Variants in SCAF1 observed in about 807,000 individuals in gnomAD.
SCAF1 encodes the protein splicing factor, arginine/serine-rich 19.
SCAF1 carries 28 observed loss-of-function variants against 91.2 expected under a neutral mutation model. The observed-to-expected ratio is 0.31, with a 90% CI of 0.23 to 0.42. The LOEUF (loss-of-function observed/expected upper bound fraction) is 0.42, where lower values mean the gene tolerates loss of function less well. Among genes scored for constraint, SCAF1 ranks in the 10% least tolerant of loss-of-function variants. The pLI, the probability that SCAF1 is intolerant of heterozygous loss-of-function variation, is 1.00. For synonymous variants in SCAF1, 1,036 were observed against 833.7 expected (o/e 1.24, Z -4.18); for missense variants, 1,893 against 1,872.1 (o/e 1.01, Z -0.21).
chr19:49,652,097 G>A lies in SCAF1; in HGVS notation c.1708G>A (p.Ala570Thr), dbSNP rs1437498919. 3 of 1,134,010 alleles carry A rather than the reference G, an allele frequency of 2.6e-6. No homozygotes were observed. Among genetic ancestry groups the A allele is most frequent in the Admixed American group, 5.2e-5 (1 of 19,254 alleles). The allele number at this position is 1,134,010 out of a possible 1,614,324, so 70.2% of individuals were successfully genotyped here. Reference protein sequence around the residue: ...RKPGSHASSSARRRSRSRSRS... With the variant: ...RKPGSHASSSTRRRSRSRSRS... ...GCCCGGCTCCCACGCCTCGTCGTCC[G>A]CCCGCCGCCGCTCCCGCTCCCGCTC... Residue 570 changes from alanine (A) to threonine (T), a missense_variant, in exon 7 of 11, where the codon GCC (alanine) becomes ACC (threonine). Ala to Thr is a moderately conservative substitution (Grantham distance 58). Around this residue, in one of 5 missense-constraint regions of SCAF1, gnomAD observed 1,436 missense variants for 1,306.8 expected, o/e 1.10. Coordinates refer to ENST00000360565, the MANE Select transcript of SCAF1 (RefSeq NM_021228.3).
At chr19:49,649,807 G>A (rs1304450568) in intron 6 of SCAF1, among the ~76,000 whole-genome samples, 1 of 152,204 alleles carries the variant, frequency 6.6e-6, no homozygotes, top group African/African-American at 2.4e-5. Context: ...AAAGGGTGTT[G>A]GATGAATGAA....
upstream of SCAF1, chr19:49,642,206 C>CCCGCG (rs2081030256): frequency 6.6e-6 from 1 of 152,202 alleles, no homozygotes; most frequent in African/African-American, 2.4e-5. This position sits in a 1 kb window ranked among gnomAD's most constrained non-coding sequence, Gnocchi z 4.0. Flanking sequence ...CCCGCCCCGC[C>CCCGCG]CCGCGCCGGG....
chr19:49,651,512 G>A lies in SCAF1; in HGVS notation c.1123G>A (p.Gly375Ser), dbSNP rs572089161. 277 of 1,573,018 alleles carry A rather than the reference G, an allele frequency of 1.8e-4. 1 individual carries two copies. The highest frequency in any genetic ancestry group is 1.2e-3 in the Middle Eastern group (7 of 5,796). The change falls in exon 7 of 11, where the codon GGT (glycine) becomes AGT (serine). Residue 375 changes from glycine to serine, a missense_variant. Physicochemically the swap from Gly to Ser is moderately conservative, Grantham distance 56. Around this residue, in one of 5 missense-constraint regions of SCAF1, gnomAD observed 1,436 missense variants for 1,306.8 expected, o/e 1.10. Transcript: ENST00000360565. ...GKVSVEVVTA[G>S]GAALPPPLLP... is the part of the protein sequence containing the mutation. Reference sequence around the variant, plus strand: ...GGTCTCGGTGGAGGTGGTGACCGCTGGTGGAGCCGCCCTCCCGCCGCCCCT... The same window carrying A: ...GGTCTCGGTGGAGGTGGTGACCGCTAGTGGAGCCGCCCTCCCGCCGCCCCT...
chr19:49,648,730 T>C (rs141603169), intron 6 of SCAF1, among the ~76,000 whole-genome samples: 4 of 152,084 alleles, frequency 2.6e-5, no homozygotes, highest in Non-Finnish European at 5.9e-5. Flanking sequence ...CCCAGCACTT[T>C]GGGAGGCCAA....
intron 6 of SCAF1, among the ~76,000 whole-genome samples, chr19:49,650,231 T>C (rs1391938886): frequency 1.3e-5 from 2 of 152,136 alleles, no homozygotes; most frequent in Non-Finnish European, 2.9e-5. Context: ...GAGCTTGGGG[T>C]GAAGACCAGC....
rs755053439 is a variant in SCAF1, at chr19:49,652,430, C to T, written c.2041C>T (p.Arg681Cys). 7.5e-6 allele frequency: 12 copies of T among 1,599,004 alleles called. No individual in the cohort carries two copies. The South Asian group carries it at 7.8e-5, about 10-fold the overall frequency. The change falls in exon 7 of 11, where the codon CGC becomes TGC. Residue 681 changes from arginine (R) to cysteine (C), a missense_variant. Arg to Cys is a radical substitution (Grantham distance 180). This residue lies in a region of SCAF1 where 1,436 missense variants were observed against 1,306.8 expected (regional missense o/e 1.10). Transcript: ENST00000360565. ...GSTSCGDRDS[R>C]RRGAVPPSIQ... ...CACCTCGTGTGGTGACCGCGACAGC[C>T]GCCGCCGGGGGGCCGTGCCACCCTC...
At chr19:49,656,906 A>G (rs1461098550) in intron 9 of SCAF1, among the ~76,000 whole-genome samples, 2 of 152,144 alleles carry the variant, frequency 1.3e-5, no homozygotes, top group African/African-American at 4.8e-5. Context: ...TGTAATTCCA[A>G]CACTTCGCAA....
chr19:49,648,301 A>G lies in SCAF1; in HGVS notation c.478+1471A>G, dbSNP rs2081066475. The stretch of plus-strand genomic sequence containing the variant: ...TAATTTTTGTATTTTTAGTAGAGGT[A>G]GGGTTTCACTGTGTTGGCCAGGCTG... On this transcript the variant is annotated intron_variant, in intron 6 of 10. Transcript: ENST00000360565. Among the ~76,000 whole-genome samples the G allele has an allele frequency of 5.3e-5, 8 of 151,782 alleles. No homozygotes were observed. In the South Asian group the frequency reaches 1.7e-3, roughly 32 times the overall value.
Position 49,654,341 on chromosome 19 carries a change from T to A in SCAF1, c.3317-8T>A. ...ATCTTCATGTTGTCACCTCTCTGCCTCCTGCAGTGACTGCACTTCTCTTCA... is the reference window on the plus strand; with the variant it reads ...ATCTTCATGTTGTCACCTCTCTGCCACCTGCAGTGACTGCACTTCTCTTCA... On this transcript the variant is annotated splice_region_variant and splice_polypyrimidine_tract_variant and intron_variant, in intron 7 of 10. Transcript: ENST00000360565. 6.2e-7 allele frequency: 1 copy of A among 1,613,028 alleles called. No individual in the cohort carries two copies.
rs749367598 is a variant in SCAF1, at chr19:49,652,939, G to A, written c.2550G>A (p.Pro850=). The A allele has an allele frequency of 1.2e-6, 2 of 1,613,778 alleles. No individual in the cohort carries two copies. The highest frequency in any genetic ancestry group is 1.7e-6 in the Non-Finnish European group (2 of 1,179,954). Residue 850 remains proline, a synonymous_variant, in exon 7 of 11, where the codon CCG becomes CCA. Transcript: ENST00000360565. ...GCGAGGGTGTCAGCAGCACCACCCC[G>A]GCCAAGGATGCCGCGTCAGCCGGCC... The part of the protein sequence containing the change: ...LIREGVSSTT[P]AKDAASAGLG...
chr19:49,652,581 T>A lies in SCAF1; in HGVS notation c.2192T>A (p.Leu731Gln). 1 of 1,570,454 alleles carries A rather than the reference T, an allele frequency of 6.4e-7. No individual in the cohort carries two copies. Among genetic ancestry groups the A allele is most frequent in the Non-Finnish European group, 8.6e-7 (1 of 1,157,452 alleles). The change falls in exon 7 of 11, where the codon CTG becomes CAG. Residue 731 changes from leucine (L) to glutamine (Q), a missense_variant. Leu to Gln is a moderately radical substitution (Grantham distance 113). This residue lies in a region of SCAF1 where 1,436 missense variants were observed against 1,306.8 expected (regional missense o/e 1.10). Coordinates refer to ENST00000360565, the MANE Select transcript of SCAF1 (RefSeq NM_021228.3). ...APASSPKREV[L>Q]YDSEGLSGEE... ...GCCTCCTCACCTAAGCGGGAGGTCC[T>A]GTACGACTCCGAGGGACTGAGCGGC... is the stretch of plus-strand genomic sequence containing the variant.
rs369719376 is a variant in SCAF1, at chr19:49,642,405, C to G, written c.-7+163C>G. Among the ~76,000 whole-genome samples, 2 of 152,234 alleles carry G rather than the reference C, an allele frequency of 1.3e-5. No individual in the cohort carries two copies. The highest frequency in any genetic ancestry group is 4.8e-5 in the African/African-American group (2 of 41,552). On this transcript the variant is annotated intron_variant, in intron 1 of 10. Transcript: ENST00000360565. The surrounding 1 kb of genome is among the most constrained non-coding windows in gnomAD (Gnocchi z 4.0). ...CGGCAGCTGCGGCGAAACCTGGCGC[C>G]GAGAGGGGGGCCTTCTCAGGGCCCC...
chr19:49,652,443 C>T lies in SCAF1; in HGVS notation c.2054C>T (p.Ala685Val), dbSNP rs778282319. 9 of 1,600,868 alleles carry T rather than the reference C, an allele frequency of 5.6e-6. No homozygotes were observed. Among genetic ancestry groups the T allele is most frequent in the Non-Finnish European group, 5.9e-6 (7 of 1,177,716 alleles). ...GACCGCGACAGCCGCCGCCGGGGGG[C>T]CGTGCCACCCTCCATCCAGGACCTC... Reference protein sequence around the residue: ...CGDRDSRRRGAVPPSIQDLTD... With the variant: ...CGDRDSRRRGVVPPSIQDLTD... Residue 685 changes from alanine (A) to valine (V), a missense_variant, in exon 7 of 11, where the codon GCC (alanine) becomes GTC (valine). Transcript: ENST00000360565.
chr19:49,642,865 G>A lies in SCAF1; in HGVS notation c.-7+623G>A, dbSNP rs1599818328. On this transcript the variant is annotated intron_variant, in intron 1 of 10. Transcript: ENST00000360565. The surrounding 1 kb of genome is among the most constrained non-coding windows in gnomAD (Gnocchi z 4.0). Reference sequence around the variant, plus strand: ...GGGTTGGGTTATGCCCACCAGGGAAGGGCGCCAAATATTGAGATGTACTGA... The same window carrying A: ...GGGTTGGGTTATGCCCACCAGGGAAAGGCGCCAAATATTGAGATGTACTGA... Among the ~76,000 whole-genome samples, 1 of 152,200 alleles carries A rather than the reference G, an allele frequency of 6.6e-6. No individual in the cohort carries two copies. The highest frequency in any genetic ancestry group is 2.4e-5 in the African/African-American group (1 of 41,446).
Position 49,651,165 on chromosome 19 carries a change from G to A in SCAF1, c.776G>A (p.Ser259Asn). The change falls in exon 7 of 11, where the codon AGC becomes AAC. Residue 259 changes from serine to asparagine, a missense_variant. Ser to Asn is a conservative substitution (Grantham distance 46). Coordinates refer to ENST00000360565, the MANE Select transcript of SCAF1 (RefSeq NM_021228.3). ...DPFEPTGSNP[S>N]SSAGTPSPEE... ...TTTGAGCCCACCGGCTCCAACCCCA[G>A]CTCATCAGCGGGGACCCCCTCACCT... 2 of 1,613,022 alleles carry A rather than the reference G, an allele frequency of 1.2e-6. No individual in the cohort carries two copies. Among genetic ancestry groups the A allele is most frequent in the Non-Finnish European group, 8.5e-7 (1 of 1,179,782 alleles).
chr19:49,650,499 A>C (rs1205291934), intron 6 of SCAF1, among the ~76,000 whole-genome samples: 3 of 152,096 alleles, frequency 2.0e-5, no homozygotes, highest in Admixed American at 2.0e-4. Flanking sequence ...GGTCGCCGGC[A>C]CTGGTCAAGA....
At chr19:49,654,196 C>G (rs1213295391) in intron 7 of SCAF1, among the ~76,000 whole-genome samples, 153 bp from the exon 8 acceptor site, 2 of 152,172 alleles carry the variant, frequency 1.3e-5, no homozygotes, top group African/African-American at 4.8e-5. Flanking sequence ...CTCTCATTGG[C>G]CAAGGCCCCC....
chr19:49,649,667 G>A (rs1243756383), intron 6 of SCAF1, among the ~76,000 whole-genome samples: 1 of 152,112 alleles, frequency 6.6e-6, no homozygotes, highest in Non-Finnish European at 1.5e-5. Flanking sequence ...GGCTAATTTG[G>A]TATTTTTAGT....
At position 49,645,452 on chromosome 19, in the gene SCAF1, C is replaced by T; in HGVS notation, c.166+41C>T. The T allele has an allele frequency of 7.6e-6, 12 of 1,580,062 alleles. No homozygotes were observed. Among genetic ancestry groups the T allele is most frequent in the Non-Finnish European group, 1.0e-5 (12 of 1,157,410 alleles). ...GTTCCTTTTAGCCCCTGCCCCCTCTCTGCATTCTTTATCCTAATGTCATTC... is the reference window on the plus strand; with the variant it reads ...GTTCCTTTTAGCCCCTGCCCCCTCTTTGCATTCTTTATCCTAATGTCATTC... On this transcript the variant is annotated intron_variant, in intron 3 of 10. Coordinates refer to ENST00000360565, the MANE Select transcript of SCAF1 (RefSeq NM_021228.3). This position sits in a 1 kb window ranked among gnomAD's most constrained non-coding sequence, Gnocchi z 4.6.
Sources: gnomAD v4.1 joint callset for allele counts (sites outside exome capture counted in the v4.1 genomes callset) on GRCh38, gnomAD v4.1.1 for gene constraint, gnomAD v4.1.1 regional missense constraint, Gnocchi (gnomAD v3.1) non-coding constraint, MANE v1.5 for transcripts, NCBI Gene and HGNC (gene_info 2026-07-23, HGNC 2026-07-21) for gene names.